Variants in CALD1 observed in about 807,000 individuals in gnomAD.
The protein encoded by CALD1 is caldesmon.
Under a neutral mutation model 99.9 loss-of-function variants are expected in CALD1, and 33 were observed. That is an observed-to-expected ratio of 0.33 (90% CI 0.25 to 0.44). The LOEUF (loss-of-function observed/expected upper bound fraction) is 0.44. Ranked by LOEUF, CALD1 falls within the 20% of genes least tolerant of loss-of-function variation. The pLI, the probability that CALD1 is intolerant of heterozygous loss-of-function variation, is 1.00. For missense variants in CALD1, 861 were observed against 962.1 expected (o/e 0.89, Z 1.39); for synonymous variants, 310 against 325.0 (o/e 0.95, Z 0.50).
chr7:134,942,431 A>G (rs1275923746), intron 7 of CALD1, among the ~76,000 whole-genome samples: 1 of 152,246 alleles, frequency 6.6e-6, no homozygotes, highest in Non-Finnish European at 1.5e-5. Context: ...TATTTATCCA[A>G]AGGAGAACCT....
intron 1 of CALD1, among the ~76,000 whole-genome samples, chr7:134,812,699 G>A (rs918055270): frequency 2.0e-5 from 3 of 152,170 alleles, no homozygotes; most frequent in African/African-American, 7.2e-5. Context: ...GTGCAAGTCA[G>A]TAGTTCAGCT....
chr7:134,839,752 C>T (rs1176853887), intron 1 of CALD1, among the ~76,000 whole-genome samples: 2 of 152,088 alleles, frequency 1.3e-5, no homozygotes, highest in African/African-American at 4.8e-5. Flanking sequence ...TGCAGTGTCA[C>T]GATCATGGCT....
At chr7:134,772,341 T>C (rs1056761709) in intron 1 of CALD1, among the ~76,000 whole-genome samples, 3 of 152,194 alleles carry the variant, frequency 2.0e-5, no homozygotes, top group Non-Finnish European at 2.9e-5. Context: ...GCGGTCTGCC[T>C]GCCTCAGCCT....
intron 3 of CALD1, among the ~76,000 whole-genome samples, chr7:134,926,335 A>G (rs1805015713): frequency 6.6e-6 from 1 of 152,236 alleles, no homozygotes; most frequent in Admixed American, 6.5e-5. Context: ...GACCAATTCT[A>G]AAACCCAAGT....
At chr7:134,920,789 T>C (rs1162910147) in intron 3 of CALD1, 1 of 790,892 alleles carries the variant, frequency 1.3e-6, no homozygotes, top group East Asian at 6.4e-5. Flanking sequence ...TGAGTTTATT[T>C]GATCTGTTGG....
At chr7:134,738,728 T>C in the CALD1 span, among the ~76,000 whole-genome samples, 1 of 152,238 alleles carries the variant, frequency 6.6e-6, no homozygotes, top group African/African-American at 2.4e-5. Flanking sequence ...CTGTCAACTC[T>C]GTTATGTCTC....
chr7:134,786,276 A>G (rs1414917237), intron 1 of CALD1, among the ~76,000 whole-genome samples: 1 of 152,202 alleles, frequency 6.6e-6, no homozygotes, highest in Non-Finnish European at 1.5e-5. Flanking sequence ...TATTTTTCTA[A>G]TTCTATACAT....
rs571476895 is a variant in CALD1, at chr7:134,958,731, C to T, written c.2061+441C>T. Among the ~76,000 whole-genome samples the T allele has an allele frequency of 3.0e-4, 45 of 151,856 alleles. No individual in the cohort carries two copies. In the South Asian group the frequency reaches 5.2e-3, roughly 18 times the overall value. On this transcript the variant is annotated intron_variant, in intron 11 of 14. Transcript: ENST00000361675. ...TCAGAATATTAATGATGCTTTATTACACTTTGAAATTCTAAGTTCTAAGAA... is the reference window on the plus strand; with the variant it reads ...TCAGAATATTAATGATGCTTTATTATACTTTGAAATTCTAAGTTCTAAGAA...
chr7:134,915,342 C>T (rs1310051491), intron 3 of CALD1, among the ~76,000 whole-genome samples: 1 of 152,212 alleles, frequency 6.6e-6, no homozygotes, highest in Non-Finnish European at 1.5e-5. Flanking sequence ...TAAGTCAGTG[C>T]CAGTGCTGTC....
At chr7:134,909,807 A>G (rs1326635630) in intron 3 of CALD1, among the ~76,000 whole-genome samples, 2 of 152,226 alleles carry the variant, frequency 1.3e-5, no homozygotes, top group East Asian at 3.8e-4. Flanking sequence ...TCCAAGGAGC[A>G]TATGTTGGAT....
chr7:134,943,830 C>A (rs1806647044), intron 7 of CALD1, among the ~76,000 whole-genome samples: 1 of 152,160 alleles, frequency 6.6e-6, no homozygotes, highest in Non-Finnish European at 1.5e-5. Context: ...TACATTGATT[C>A]TTGCACTGTG....
intron 1 of CALD1, among the ~76,000 whole-genome samples, chr7:134,822,988 G>A (rs1222242142): frequency 6.6e-6 from 1 of 152,156 alleles, no homozygotes; most frequent in Non-Finnish European, 1.5e-5. Flanking sequence ...ATTGCCTTAA[G>A]ATGAAATTGG....
Position 134,783,114 on chromosome 7 carries a change from G to A in CALD1, c.-130+3365G>A, listed in dbSNP as rs767334197. ...CAGCCAAAAGCATGGAATGAACCCC[G>A]GAACGTCATGCCTGGGCCTTGTAGG... is the stretch of plus-strand genomic sequence containing the variant. On this transcript the variant is annotated intron_variant, in intron 1 of 14. Coordinates refer to ENST00000361675, the MANE Select transcript of CALD1 (RefSeq NM_033138.4). This position sits in a 1 kb window ranked among gnomAD's most constrained non-coding sequence, Gnocchi z 4.3. Among the ~76,000 whole-genome samples the A allele has an allele frequency of 2.6e-5, 4 of 152,190 alleles. No homozygotes were observed. Among genetic ancestry groups the A allele is most frequent in the South Asian group, 2.1e-4 (1 of 4,834 alleles).
chr7:134,812,687 G>C (rs1798399520), intron 1 of CALD1, among the ~76,000 whole-genome samples: 1 of 152,164 alleles, frequency 6.6e-6, no homozygotes, highest in Admixed American at 6.5e-5. Flanking sequence ...GGAACTATGG[G>C]AGTGCAAGTC....
At chr7:134,750,307 T>G (rs1796674529) in intron 1 of CALD1, among the ~76,000 whole-genome samples, 1 of 152,012 alleles carries the variant, frequency 6.6e-6, no homozygotes, top group East Asian at 1.9e-4. Context: ...GGGTGTCTGC[T>G]GGCCAAGCAG....
chr7:134,805,834 C>T (rs1436091490), intron 1 of CALD1, among the ~76,000 whole-genome samples: 1 of 150,024 alleles, frequency 6.7e-6, no homozygotes, highest in Non-Finnish European at 1.5e-5. Flanking sequence ...GATCTCGGCT[C>T]ACTGCAACCT....
chr7:134,938,572 T>G (rs1171729014), intron 6 of CALD1, among the ~76,000 whole-genome samples: 1 of 152,204 alleles, frequency 6.6e-6, no homozygotes, highest in Non-Finnish European at 1.5e-5. Context: ...CAGTCTGACC[T>G]ATAAGATCTA....
intron 1 of CALD1, among the ~76,000 whole-genome samples, chr7:134,786,591 C>T (rs907872353): frequency 1.3e-5 from 2 of 152,138 alleles, no homozygotes; most frequent in African/African-American, 4.8e-5. Flanking sequence ...AGGACAGGAA[C>T]CTCTATTTTT....
At chr7:134,751,778 C>T (rs1356463854) in intron 1 of CALD1, among the ~76,000 whole-genome samples, 2 of 152,132 alleles carry the variant, frequency 1.3e-5, no homozygotes, top group African/African-American at 4.8e-5. Flanking sequence ...GAGTTTGAGA[C>T]AAGCCTGGGC....
Sources: gnomAD v4.1 joint callset for allele counts (sites outside exome capture counted in the v4.1 genomes callset) on GRCh38, gnomAD v4.1.1 for gene constraint, Gnocchi (gnomAD v3.1) non-coding constraint, MANE v1.5 for transcripts, NCBI Gene and HGNC (gene_info 2026-07-23, HGNC 2026-07-21) for gene names.